VPS53: variants seen among roughly 807,000 people sequenced by gnomAD.
The protein encoded by VPS53 is VPS53 subunit of GARP complex.
VPS53 carries 70 observed loss-of-function variants against 107.0 expected under a neutral mutation model. The observed-to-expected ratio is 0.65, with a 90% CI of 0.54 to 0.80. VPS53 has a LOEUF of 0.80. Among genes scored for constraint, VPS53 ranks in the 30% least tolerant of loss-of-function variants. The pLI is 0.00. For missense variants in VPS53, 917 were observed against 1,049.4 expected, an observed-to-expected ratio of 0.87 and a Z score of 1.74; for synonymous variants, 409 against 393.3, an observed-to-expected ratio of 1.04 and a Z score of -0.47.
intron 19 of VPS53, among the ~76,000 whole-genome samples, chr17:529,212 A>C (rs553113317): frequency 1.3e-5 from 2 of 152,116 alleles, no homozygotes; most frequent in Non-Finnish European, 2.9e-5. Flanking sequence ...CTCAGCTCAG[A>C]TCTGTTCTGT....
chr17:611,207 T>G (rs1184025424), intron 11 of VPS53, among the ~76,000 whole-genome samples: 1 of 151,796 alleles, frequency 6.6e-6, no homozygotes, highest in African/African-American at 2.4e-5. Context: ...ACAGACGGGG[T>G]TTCACCATGT....
intron 15 of VPS53, among the ~76,000 whole-genome samples, chr17:557,338 A>G (rs1365655065): frequency 6.6e-6 from 1 of 152,160 alleles, no homozygotes; most frequent in Non-Finnish European, 1.5e-5. Flanking sequence ...AACAGTCATT[A>G]GATAAGGCCC....
At chr17:579,802 C>T (rs559175189) in intron 13 of VPS53, among the ~76,000 whole-genome samples, 6 of 151,724 alleles carry the variant, frequency 4.0e-5, no homozygotes, top group African/African-American at 1.5e-4. Context: ...AGAGAACCAC[C>T]CTCAGGACCT....
intron 17 of VPS53, among the ~76,000 whole-genome samples, chr17:542,638 G>A (rs561731070): frequency 4.2e-4 from 64 of 152,204 alleles, no homozygotes; most frequent in Non-Finnish European, 7.4e-4. Flanking sequence ...ATTCAGATAT[G>A]TATCAATTAA....
intron 13 of VPS53, among the ~76,000 whole-genome samples, chr17:576,400 T>C (rs1266086477): frequency 1.3e-5 from 2 of 151,186 alleles, no homozygotes. Context: ...ACCTAATGCA[T>C]TGCCAGAGAA....
In VPS53 at chr17:697,738, T is replaced by C. The variant is rs181892007; in HGVS notation, c.219-254A>G. Among the ~76,000 whole-genome samples the C allele has an allele frequency of 9.5e-4, 145 of 152,314 alleles. 2 individuals carry two copies. Among genetic ancestry groups the C allele is most frequent in the African/African-American group, 3.4e-3 (142 of 41,580 alleles). On this transcript the variant is annotated intron_variant, in intron 3 of 21. Coordinates refer to ENST00000437048, the MANE Select transcript of VPS53 (RefSeq NM_001128159.3). ...TTTTCACTTAATAGTCAGAGCTATC[T>C]GAAAGGACTAATAAAATCTGCAGGA...
chr17:707,865 G>T (rs1358595107), intron 2 of VPS53, among the ~76,000 whole-genome samples: 1 of 146,794 alleles, frequency 6.8e-6, no homozygotes, highest in African/African-American at 2.5e-5. Flanking sequence ...AAAAAAGGAA[G>T]AAAGAAAAAA....
chr17:536,764 G>A (rs1416986258), intron 18 of VPS53: 2 of 416,210 alleles, frequency 4.8e-6, no homozygotes, highest in Non-Finnish European at 4.4e-6. Flanking sequence ...CTGTACATTT[G>A]TCCAAACCGA....
At chr17:619,618 GCACCACCACACCCCGC>G (rs2143019219) in intron 11 of VPS53, among the ~76,000 whole-genome samples, 3 of 75,212 alleles carry the variant, frequency 4.0e-5, no homozygotes, top group Admixed American at 1.5e-4. Flanking sequence ...CTACAGGCGT[GCACCACCACACCCCGC>G]TAATATTTCC....
chr17:657,212 T>A, intron 5 of VPS53: 1 of 1,473,806 alleles, frequency 6.8e-7, no homozygotes, highest in Non-Finnish European at 9.4e-7. Context: ...TTTCTCACTT[T>A]GCACAACTTG....
chr17:583,079 C>G (rs1305281328), intron 13 of VPS53, among the ~76,000 whole-genome samples: 1 of 150,950 alleles, frequency 6.6e-6, no homozygotes, highest in African/African-American at 2.4e-5. Flanking sequence ...CACAGAACTT[C>G]CCTCACAACC....
Position 627,254 on chromosome 17 carries a change from A to ATAG in VPS53, c.891_893dup (p.Tyr298dup), listed in dbSNP as rs1184823981. On this transcript the variant is annotated inframe_insertion, in exon 10 of 22. Coordinates refer to ENST00000437048, the MANE Select transcript of VPS53 (RefSeq NM_001128159.3). Reference sequence around the variant, plus strand: ...GAAACATGCGGCCGTATTTCTCCTCATAGTCCACAAGCTGGCGTTTTATCC... The same window carrying ATAG: ...GAAACATGCGGCCGTATTTCTCCTCATAGTAGTCCACAAGCTGGCGTTTTATCC... 6.2e-7 allele frequency: 1 copy of ATAG among 1,614,070 alleles called. No individual in the cohort carries two copies. The highest frequency in any genetic ancestry group is 8.5e-7 in the Non-Finnish European group (1 of 1,180,014).
intron 12 of VPS53, 33 bp downstream of exon 12, chr17:601,762 T>C (rs1043844838): frequency 6.6e-7 from 1 of 1,517,658 alleles, no homozygotes; most frequent in Non-Finnish European, 9.0e-7. Flanking sequence ...GCACATTGGG[T>C]AGGTTACCCG....
chr17:564,527 G>A (rs1597308156), intron 13 of VPS53, among the ~76,000 whole-genome samples: 1 of 134,470 alleles, frequency 7.4e-6, no homozygotes. Context: ...GCAACAAAGT[G>A]AGACTCTGTC....
At chr17:710,658 G>A (rs79805521) in intron 1 of VPS53, 45 bp from the exon 2 acceptor site, 31 of 1,371,120 alleles carry the variant, frequency 2.3e-5, no homozygotes, top group East Asian at 4.6e-5. Flanking sequence ...GTAGTATACC[G>A]TAAATATATA....
chr17:600,357 C>T (rs1387524922), intron 12 of VPS53, among the ~76,000 whole-genome samples: 1 of 152,214 alleles, frequency 6.6e-6, no homozygotes, highest in Non-Finnish European at 1.5e-5. Flanking sequence ...GCTCACAGGG[C>T]AGAGGTGGCC....
At chr17:707,870 A>G (rs1446124362) in intron 2 of VPS53, among the ~76,000 whole-genome samples, 1 of 151,600 alleles carries the variant, frequency 6.6e-6, no homozygotes, top group Non-Finnish European at 1.5e-5. Context: ...AGGAAGAAAG[A>G]AAAAAAGCAT....
rs538607729 is a variant in VPS53, at chr17:661,967, C to T, written c.286-72G>A. ...CTCCAGTCACTAACTGTAATCAATG[C>T]TAGGCACAAAAGAAATTTCCATGAA... On this transcript the variant is annotated intron_variant, in intron 4 of 21. Transcript: ENST00000437048. 7.0e-5 allele frequency: 91 copies of T among 1,296,418 alleles called. No homozygotes were observed. In the African/African-American group the frequency reaches 9.3e-4, roughly 13 times the overall value. 80.3% of individuals were successfully genotyped at this position (1,296,418 alleles called of 1,614,324 possible).
chr17:626,629 G>GT (rs1363829449), intron 10 of VPS53, among the ~76,000 whole-genome samples: 1 of 152,014 alleles, frequency 6.6e-6, no homozygotes, highest in Non-Finnish European at 1.5e-5. Flanking sequence ...AGCTGGGATT[G>GT]TATCACTGCA....
Sources: allele counts gnomAD v4.1 joint callset (sites outside exome capture counted in the v4.1 genomes callset), GRCh38; gene constraint gnomAD v4.1.1; transcripts MANE v1.5; gene names NCBI Gene and HGNC (gene_info 2026-07-23, HGNC 2026-07-21).